Variants in OOSP3 observed in about 807,000 individuals in gnomAD.
OOSP3 encodes the protein oocyte secreted protein family member 3, also known as oocyte-secreted protein 3.
chr11:59,878,806 G>A (rs1474615749), upstream of OOSP3: 3 of 398,354 alleles, frequency 7.5e-6, no homozygotes, highest in Admixed American at 4.4e-5. Context: ...GGCAGCTGAC[G>A]TCATGAAAGA....
chr11:59,885,744 T>A (rs930485091), intron 2 of OOSP3, among the ~76,000 whole-genome samples: 11 of 151,926 alleles, frequency 7.2e-5, no homozygotes, highest in African/African-American at 2.7e-4. Context: ...GGTTGGAAGT[T>A]TTTTTACGTA....
At chr11:59,882,190 A>C (rs1853208200) in intron 2 of OOSP3, among the ~76,000 whole-genome samples, 1 of 152,216 alleles carries the variant, frequency 6.6e-6, no homozygotes, top group Non-Finnish European at 1.5e-5. Context: ...CAGAGACATC[A>C]GCCACAATGT....
At chr11:59,887,882 G>T (rs570041445) in intron 2 of OOSP3, among the ~76,000 whole-genome samples, 4 of 152,160 alleles carry the variant, frequency 2.6e-5, no homozygotes, top group African/African-American at 9.6e-5. Flanking sequence ...TCTAGAAATT[G>T]CTTTGGGCAG....
intron 1 of OOSP3, 69 bp downstream of exon 1, chr11:59,878,950 T>C (rs1853177216): frequency 2.5e-6 from 1 of 397,984 alleles, no homozygotes; most frequent in African/African-American, 2.1e-5. Flanking sequence ...CTTTTACTGT[T>C]TGCTGTTTTG....
chr11:59,891,962 G>T (rs1480583767), intron 2 of OOSP3, among the ~76,000 whole-genome samples: 1 of 152,200 alleles, frequency 6.6e-6, no homozygotes, highest in Non-Finnish European at 1.5e-5. Flanking sequence ...AGTGTGATCC[G>T]CTGAGCAAGG....
intron 2 of OOSP3, among the ~76,000 whole-genome samples, chr11:59,887,301 TG>T (rs1309121892): frequency 2.0e-5 from 3 of 152,168 alleles, no homozygotes; most frequent in African/African-American, 4.8e-5. Flanking sequence ...TGTCAATTTT[TG>T]CTTTTGTTGC....
At chr11:59,885,788 T>C (rs1218667632) in intron 2 of OOSP3, among the ~76,000 whole-genome samples, 2 of 152,172 alleles carry the variant, frequency 1.3e-5, no homozygotes, top group African/African-American at 4.8e-5. Context: ...TAGTTTCTTT[T>C]TGTGATGTCT....
chr11:59,893,260 C>T (rs576521043), intron 2 of OOSP3, among the ~76,000 whole-genome samples: 16 of 152,260 alleles, frequency 1.1e-4, no homozygotes, highest in African/African-American at 3.4e-4. Flanking sequence ...TTCAATAAGA[C>T]ATTTTTGTAA....
intron 2 of OOSP3, among the ~76,000 whole-genome samples, chr11:59,893,428 T>C (rs575665883): frequency 1.3e-5 from 2 of 152,002 alleles, no homozygotes; most frequent in Non-Finnish European, 2.9e-5. Flanking sequence ...GATTACAGCA[T>C]GATCACAGCT....
chr11:59,884,463 GTCTGTCTGTCTGTCTCTCTCTCTC>G (rs1419197655), intron 2 of OOSP3, among the ~76,000 whole-genome samples: 8 of 117,140 alleles, frequency 6.8e-5, no homozygotes, highest in African/African-American at 3.3e-4. Flanking sequence ...CTGTCTGTCT[GTCTGTCTGTCTGTCTCTCTCTCTC>G]TCTCTCTCTC....
chr11:59,892,476 G>A (rs1242511514), intron 2 of OOSP3, among the ~76,000 whole-genome samples: 4 of 152,060 alleles, frequency 2.6e-5, no homozygotes, highest in East Asian at 3.9e-4. Flanking sequence ...CCATCTAGGC[G>A]TCTCCTCTGC....
chr11:59,886,354 T>A (rs924914772), intron 2 of OOSP3, among the ~76,000 whole-genome samples: 1 of 152,258 alleles, frequency 6.6e-6, no homozygotes, highest in Non-Finnish European at 1.5e-5. Context: ...GCAATGAACA[T>A]ACACGTGCGT....
At chr11:59,882,062 T>C (rs1265139643) in intron 2 of OOSP3, among the ~76,000 whole-genome samples, 1 of 152,188 alleles carries the variant, frequency 6.6e-6, no homozygotes, top group Non-Finnish European at 1.5e-5. Flanking sequence ...CTTTGTGGTT[T>C]TTCCCATATT....
At chr11:59,890,856 A>G (rs1405853293) in intron 2 of OOSP3, among the ~76,000 whole-genome samples, 1 of 152,132 alleles carries the variant, frequency 6.6e-6, no homozygotes, top group Non-Finnish European at 1.5e-5. Context: ...CTCCTGGATG[A>G]TATCCTGAAG....
At chr11:59,886,967 G>T (rs1433415699) in intron 2 of OOSP3, among the ~76,000 whole-genome samples, 2 of 151,582 alleles carry the variant, frequency 1.3e-5, no homozygotes, top group Non-Finnish European at 2.9e-5. Flanking sequence ...ATTTTTTTTT[G>T]TATTTTTAGT....
chr11:59,885,853 T>G (rs1482793056), intron 2 of OOSP3, among the ~76,000 whole-genome samples: 6 of 152,104 alleles, frequency 3.9e-5, no homozygotes, highest in Non-Finnish European at 1.5e-5. Context: ...ATGTGCCATC[T>G]TCTATTTCTT....
At chr11:59,884,517 C>G (rs1565218950) in intron 2 of OOSP3, among the ~76,000 whole-genome samples, 1 of 105,622 alleles carries the variant, frequency 9.5e-6, no homozygotes, top group Non-Finnish European at 2.0e-5. Context: ...CTCTCTCTCT[C>G]TCTATGCAGT....
At chr11:59,893,822 A>G (rs565900563) in intron 2 of OOSP3, among the ~76,000 whole-genome samples, 1 of 152,348 alleles carries the variant, frequency 6.6e-6, no homozygotes, top group East Asian at 1.9e-4. Flanking sequence ...CCTTGTTCCT[A>G]GTCTGGCAAT....
At chr11:59,880,171 A>G (rs1853186705) in intron 1 of OOSP3, 90 bp from the exon 2 acceptor site, 3 of 396,816 alleles carry the variant, frequency 7.6e-6, no homozygotes, top group Non-Finnish European at 1.3e-5. Context: ...GTATATACAT[A>G]TGTTTAAATA....
Sources: gnomAD v4.1 joint callset for allele counts (sites outside exome capture counted in the v4.1 genomes callset) on GRCh38, gnomAD v4.1.1 for gene constraint, MANE v1.5 for transcripts, NCBI Gene and HGNC (gene_info 2026-07-23, HGNC 2026-07-21) for gene names.